C4orf51: variants seen among roughly 807,000 people sequenced by gnomAD.
C4orf51 encodes uncharacterized protein C4orf51.
A neutral mutation model predicts 25.2 loss-of-function variants in C4orf51; 25 were observed. That is an observed-to-expected ratio of 0.99 (90% confidence interval 0.72 to 1.39). The LOEUF is 1.39. C4orf51 is among the 40% of genes most tolerant of loss of function. C4orf51 has a pLI of 0.00. For synonymous variants in C4orf51, 100 were observed against 84.5 expected (o/e 1.18, Z -1.01); for missense variants, 252 against 239.6 (o/e 1.05, Z -0.34).
chr4:145,733,069 G>A (rs1167699974), downstream of C4orf51, among the ~76,000 whole-genome samples: 1 of 152,122 alleles, frequency 6.6e-6, no homozygotes, highest in Non-Finnish European at 1.5e-5. Flanking sequence ...GCGGGCTCGC[G>A]AGCTCAGGGG....
At chr4:145,736,394 A>C (rs551272448), downstream of C4orf51, among the ~76,000 whole-genome samples, 1 of 151,900 alleles carries the variant, frequency 6.6e-6, no homozygotes, top group Non-Finnish European at 1.5e-5. Context: ...ATCTGTCACC[A>C]TGCACCCTGG....
At chr4:145,755,981 G>T (rs1733919738), downstream of C4orf51, among the ~76,000 whole-genome samples, 1 of 152,182 alleles carries the variant, frequency 6.6e-6, no homozygotes, top group African/African-American at 2.4e-5. Flanking sequence ...AAATCACTCA[G>T]CTGCTACCCG....
intron 1 of C4orf51, among the ~76,000 whole-genome samples, chr4:145,690,204 TA>T (rs1245353492): frequency 3.1e-5 from 4 of 130,724 alleles, no homozygotes; most frequent in Non-Finnish European, 4.9e-5. Flanking sequence ...CAAACCTCCG[TA>T]AAAAAAATAA....
chr4:145,699,164 C>A (rs977275313), intron 2 of C4orf51, among the ~76,000 whole-genome samples: 6 of 151,796 alleles, frequency 4.0e-5, no homozygotes, highest in Admixed American at 1.3e-4. Flanking sequence ...ACCCTTATCT[C>A]CCTTCGCTGA....
chr4:145,701,504 C>A (rs563389679), intron 2 of C4orf51, among the ~76,000 whole-genome samples: 1,639 of 152,016 alleles, frequency 0.011, 35 homozygotes, highest in African/African-American at 0.038. Flanking sequence ...ACTCCCAGAG[C>A]CCCTGGAACT....
downstream of C4orf51, chr4:145,732,821 T>G: frequency 3.6e-6 from 1 of 278,572 alleles, no homozygotes; most frequent in Non-Finnish European, 6.7e-6. Context: ...ATTTCTCTGC[T>G]AGAACCACAG....
At chr4:145,749,067 A>ATATATATT (rs1733535599) in intron 1 of C4orf51, among the ~76,000 whole-genome samples, 6 of 137,714 alleles carry the variant, frequency 4.4e-5, no homozygotes, top group Non-Finnish European at 9.1e-5. Flanking sequence ...GTGTGTGTGT[A>ATATATATT]TATATATATA....
intron 2 of C4orf51, among the ~76,000 whole-genome samples, chr4:145,721,448 T>C (rs1232781062): frequency 6.6e-6 from 1 of 151,894 alleles, no homozygotes; most frequent in Non-Finnish European, 1.5e-5. Context: ...ACATGACAGC[T>C]ACGCTGTGTG....
At position 145,727,820 on chromosome 4, in the gene C4orf51, T is replaced by A. The variant is rs1463059188; in HGVS notation, c.366+851T>A. 2.7e-5 allele frequency among the ~76,000 whole-genome samples: 4 copies of A among 145,934 alleles called. No individual in the cohort carries two copies. In the Admixed American group the frequency reaches 2.8e-4, roughly 10 times the overall value. ...TTGCTTGAAGCCGGGAGGTGGATGT[T>A]GCAGTGAGCTGAGATCATGCCACTG... On this transcript the variant is annotated intron_variant, in intron 3 of 5. Transcript: ENST00000438731.
downstream of C4orf51, among the ~76,000 whole-genome samples, chr4:145,737,517 G>C (rs986024669): frequency 2.0e-5 from 3 of 152,088 alleles, no homozygotes; most frequent in Non-Finnish European, 4.4e-5. Flanking sequence ...TTTTCTTCCT[G>C]CTGGAGCACA....
chr4:145,706,312 C>A (rs765012237), intron 2 of C4orf51, among the ~76,000 whole-genome samples: 1 of 152,084 alleles, frequency 6.6e-6, no homozygotes, highest in Non-Finnish European at 1.5e-5. Flanking sequence ...TTTAATGAAA[C>A]TGTGTTCCAT....
At chr4:145,728,558 T>C (rs1383099495) in intron 3 of C4orf51, among the ~76,000 whole-genome samples, 1 of 152,238 alleles carries the variant, frequency 6.6e-6, no homozygotes, top group Non-Finnish European at 1.5e-5. Context: ...GTTAGATTCC[T>C]GGGAGCCTCC....
intron 3 of C4orf51, among the ~76,000 whole-genome samples, chr4:145,727,972 A>ATT (rs1488914295): frequency 8.2e-5 from 11 of 133,852 alleles, no homozygotes; most frequent in African/African-American, 1.4e-4. Flanking sequence ...TATATAATAT[A>ATT]ATATATACAT....
intron 2 of C4orf51, among the ~76,000 whole-genome samples, chr4:145,706,096 CATG>C (rs902480535): frequency 6.6e-6 from 1 of 152,068 alleles, no homozygotes; most frequent in African/African-American, 2.4e-5. Context: ...CTCAAAAACT[CATG>C]AGACTAGAAT....
chr4:145,724,815 T>G (rs1387549684), intron 2 of C4orf51, among the ~76,000 whole-genome samples: 2 of 138,670 alleles, frequency 1.4e-5, no homozygotes, highest in African/African-American at 2.8e-5. Flanking sequence ...GCCTGGAAGT[T>G]GGAGGTTGCA....
At chr4:145,733,350 C>T (rs1024465301), downstream of C4orf51, among the ~76,000 whole-genome samples, 1 of 152,228 alleles carries the variant, frequency 6.6e-6, no homozygotes, top group Non-Finnish European at 1.5e-5. Flanking sequence ...GCCTCGTCGC[C>T]CCCGCGGAGC....
intron 2 of C4orf51, among the ~76,000 whole-genome samples, chr4:145,707,849 AG>A (rs1228143346): frequency 6.6e-6 from 1 of 152,240 alleles, no homozygotes; most frequent in Non-Finnish European, 1.5e-5. Flanking sequence ...TGCCACCTCC[AG>A]AGTTGCCCTC....
chr4:145,682,757 C>A (rs1299395318), intron 1 of C4orf51, among the ~76,000 whole-genome samples: 1 of 152,100 alleles, frequency 6.6e-6, no homozygotes, highest in East Asian at 1.9e-4. Context: ...TAGTGTGATA[C>A]AGACCTTAAG....
In C4orf51 at chr4:145,732,745, GGAGA is replaced by G. The variant is rs1732553708; in HGVS notation, c.*190_*193del. 2.2e-6 allele frequency: 1 copy of G among 461,914 alleles called. No individual in the cohort carries two copies. Among genetic ancestry groups the G allele is most frequent in the Non-Finnish European group, 3.8e-6 (1 of 261,640 alleles). 28.6% of individuals were successfully genotyped at this position (461,914 alleles called of 1,614,324 possible). On this transcript the variant is annotated 3_prime_UTR_variant, in exon 6 of 6. Transcript: ENST00000438731. ...TCAGTTTTTTCCCTTTTTAATTGGTGGAGAGAGACAAAAGTTTTTATAATCTTTA... is the reference window on the plus strand; with the variant it reads ...TCAGTTTTTTCCCTTTTTAATTGGTGGAGACAAAAGTTTTTATAATCTTTA...
Sources: allele counts gnomAD v4.1 joint callset (sites outside exome capture counted in the v4.1 genomes callset), GRCh38; gene constraint gnomAD v4.1.1; transcripts MANE v1.5; gene names NCBI Gene and HGNC (gene_info 2026-07-23, HGNC 2026-07-21).